The following ROCK1 variants were observed in gnomAD, a reference collection of about 807,000 sequenced individuals.
ROCK1 encodes the protein rho-associated protein kinase 1.
A neutral mutation model predicts 196.8 loss-of-function variants in ROCK1; 36 were observed. That is an observed-to-expected ratio of 0.18 (90% CI 0.14 to 0.24). The LOEUF (loss-of-function observed/expected upper bound fraction) is 0.24. Ranked by LOEUF, ROCK1 falls within the 10% of genes least tolerant of loss-of-function variation. The probability of loss-of-function intolerance (pLI) is 1.00; values close to 1 mark genes in which losing one functional copy is unlikely to be tolerated. For missense variants in ROCK1, 920 were observed against 1,562.0 expected (o/e 0.59, Z 6.93); for synonymous variants, 443 against 515.9 (o/e 0.86, Z 1.91).
chr18:21,032,177 C>T (rs1336295942), intron 9 of ROCK1, among the ~76,000 whole-genome samples: 2 of 152,052 alleles, frequency 1.3e-5, no homozygotes, highest in Non-Finnish European at 2.9e-5. Flanking sequence ...TAATCACATG[C>T]CATAATCAAA....
intron 16 of ROCK1, among the ~76,000 whole-genome samples, chr18:21,001,691 G>C (rs140086189): frequency 1.3e-5 from 2 of 151,948 alleles, no homozygotes; most frequent in African/African-American, 2.4e-5. Flanking sequence ...CTTGAACCTG[G>C]GAGGCAGAGG....
In ROCK1 at chr18:21,045,181, C is replaced by A. The variant is rs1299738060; in HGVS notation, c.590+111G>T. The A allele has an allele frequency of 7.1e-6, 7 of 992,770 alleles. No individual in the cohort carries two copies. The East Asian group carries it at 1.9e-4, about 27-fold the overall frequency. 61.5% of individuals were successfully genotyped at this position (992,770 alleles called of 1,614,324 possible). The stretch of plus-strand genomic sequence containing the variant: ...GCCAGAGTCTTGAGTTCTGAAAGGT[C>A]ACTTATGTCATACGGAAGAAGAATG... On this transcript the variant is annotated intron_variant, in intron 5 of 32. Coordinates refer to ENST00000399799, the MANE Select transcript of ROCK1 (RefSeq NM_005406.3).
chr18:21,029,876 T>C (rs2035991751), intron 9 of ROCK1, among the ~76,000 whole-genome samples: 1 of 152,122 alleles, frequency 6.6e-6, no homozygotes. Context: ...CATCCCTGAA[T>C]TATGATCATC....
intron 2 of ROCK1, among the ~76,000 whole-genome samples, chr18:21,065,213 G>A (rs530032097): frequency 3.9e-5 from 6 of 152,228 alleles, no homozygotes; most frequent in African/African-American, 9.6e-5. Flanking sequence ...GTGATTATTC[G>A]CATTACTTTC....
At chr18:20,985,546 T>G (rs1387147616) in intron 19 of ROCK1, among the ~76,000 whole-genome samples, 1 of 152,230 alleles carries the variant, frequency 6.6e-6, no homozygotes, top group Non-Finnish European at 1.5e-5. Context: ...TTCTTTCTAA[T>G]TATTTGCAAT....
At chr18:21,053,722 A>G (rs553897860) in intron 2 of ROCK1, among the ~76,000 whole-genome samples, 1 of 152,156 alleles carries the variant, frequency 6.6e-6, no homozygotes, top group Non-Finnish European at 1.5e-5. Flanking sequence ...TTGTAGTCCC[A>G]GCTACTTGGG....
intron 1 of ROCK1, among the ~76,000 whole-genome samples, chr18:21,087,975 C>A (rs930183001): frequency 1.3e-5 from 2 of 152,090 alleles, no homozygotes; most frequent in African/African-American, 4.8e-5. Flanking sequence ...GTTCTTTGAC[C>A]AAAATGTACA....
intron 1 of ROCK1, among the ~76,000 whole-genome samples, chr18:21,104,219 T>C (rs2036683432): frequency 6.6e-6 from 1 of 152,334 alleles, no homozygotes; most frequent in East Asian, 1.9e-4. Context: ...AAAACTGGTG[T>C]AAAGTTATGC....
intron 29 of ROCK1, among the ~76,000 whole-genome samples, chr18:20,958,617 C>G (rs1367916615): frequency 1.3e-5 from 2 of 150,970 alleles, no homozygotes; most frequent in African/African-American, 4.8e-5. Flanking sequence ...CCAAAGAATC[C>G]TACACAGTTG....
At chr18:21,038,762 A>C (rs192946687) in intron 9 of ROCK1, among the ~76,000 whole-genome samples, 1 of 152,180 alleles carries the variant, frequency 6.6e-6, no homozygotes, top group African/African-American at 2.4e-5. Context: ...CAGGGAAAAA[A>C]ATCCTAAGAT....
chr18:21,105,187 A>G (rs1436387751), intron 1 of ROCK1, among the ~76,000 whole-genome samples: 5 of 152,248 alleles, frequency 3.3e-5, no homozygotes, highest in Non-Finnish European at 7.3e-5. Flanking sequence ...ATGAAACAGC[A>G]TTGAGAGGTT....
chr18:20,983,666 A>G (rs1180893851), intron 20 of ROCK1, among the ~76,000 whole-genome samples: 4 of 150,958 alleles, frequency 2.6e-5, no homozygotes, highest in African/African-American at 9.9e-5. Context: ...ATTTTTGGAG[A>G]AAAAAAATAT....
chr18:21,060,815 G>A (rs2036282298), intron 2 of ROCK1, among the ~76,000 whole-genome samples: 1 of 146,602 alleles, frequency 6.8e-6, no homozygotes, highest in African/African-American at 2.6e-5. Context: ...CTCCAGCCTG[G>A]GCGAGAAGAG....
At chr18:21,083,449 G>A (rs1017516852) in intron 1 of ROCK1, among the ~76,000 whole-genome samples, 3 of 152,084 alleles carry the variant, frequency 2.0e-5, no homozygotes, top group Non-Finnish European at 2.9e-5. Context: ...TAACCAAAAT[G>A]GTGTACTGCT....
At chr18:21,023,454 A>T (rs1295233405) in intron 11 of ROCK1, among the ~76,000 whole-genome samples, 166 bp downstream of exon 11, 1 of 152,196 alleles carries the variant, frequency 6.6e-6, no homozygotes, top group African/African-American at 2.4e-5. Context: ...ATATTTGAGC[A>T]AAAAATCAGA....
At chr18:21,050,169 G>C (rs1429885932) in intron 2 of ROCK1, among the ~76,000 whole-genome samples, 1 of 151,774 alleles carries the variant, frequency 6.6e-6, no homozygotes, top group Admixed American at 6.6e-5. Context: ...ACAAACAAAA[G>C]CTGAAAATAA....
In ROCK1 at chr18:20,949,699, T is replaced by C. The variant is rs1441916798; in HGVS notation, c.*1685A>G. On this transcript the variant is annotated 3_prime_UTR_variant, in exon 33 of 33. Coordinates refer to ENST00000399799, the MANE Select transcript of ROCK1 (RefSeq NM_005406.3). The stretch of plus-strand genomic sequence containing the variant: ...CCAACACACTTTAGCCAGCTTTTCA[T>C]GTGAACTATTCCCACTCTTGTTTTA... 1.3e-5 allele frequency: 2 copies of C among 152,422 alleles called. No homozygotes were observed. Among genetic ancestry groups the C allele is most frequent in the Non-Finnish European group, 2.9e-5 (2 of 68,046 alleles). The allele number at this position is 152,422 out of a possible 1,614,324, so 9.4% of individuals were successfully genotyped here. A position where few individuals can be genotyped will look rare whatever the true frequency, so the allele number is the denominator to read the frequency against.
At chr18:20,992,694 C>T in intron 17 of ROCK1, 137 bp downstream of exon 17, 1 of 571,780 alleles carries the variant, frequency 1.7e-6, no homozygotes, top group Non-Finnish European at 3.0e-6. Flanking sequence ...CCACATACAA[C>T]CAATCAAACA....
chr18:20,971,602 T>C (rs2035428945), intron 22 of ROCK1, among the ~76,000 whole-genome samples: 2 of 150,912 alleles, frequency 1.3e-5, no homozygotes, highest in Non-Finnish European at 2.9e-5. Flanking sequence ...CCAGGTGTGG[T>C]GGTGTGTGCC....
Sources: gnomAD v4.1 joint callset for allele counts (sites outside exome capture counted in the v4.1 genomes callset) on GRCh38, gnomAD v4.1.1 for gene constraint, MANE v1.5 for transcripts, NCBI Gene and HGNC (gene_info 2026-07-23, HGNC 2026-07-21) for gene names.